Variants in TMEM40 observed in about 807,000 individuals in gnomAD.
The protein encoded by TMEM40 is transmembrane protein 40.
Under a neutral mutation model 40.8 loss-of-function variants are expected in TMEM40, and 34 were observed. The ratio of observed to expected loss-of-function variants is 0.83; its 90% CI spans 0.63 to 1.11. TMEM40 has a LOEUF of 1.11. TMEM40 is among the 50% of genes least tolerant of loss of function. TMEM40 has a pLI of 0.00. For missense variants in TMEM40, 296 were observed against 280.2 expected (o/e 1.06, Z -0.40); for synonymous variants, 106 against 107.0 (o/e 0.99, Z 0.06).
upstream of TMEM40, among the ~76,000 whole-genome samples, chr3:12,763,999 T>A (rs2061583939): frequency 6.6e-6 from 1 of 152,132 alleles, no homozygotes; most frequent in South Asian, 2.1e-4. Context: ...CACTGCAGCC[T>A]CCATCTCCCG....
Position 12,748,702 on chromosome 3 carries a change from G to C in TMEM40, c.164C>G (p.Ser55Cys). ...YERNKSSSSS[S>C]SSSSSSSSSS... Reference sequence around the variant, plus strand: ...AGATGAGGAGGATGAGGAGGAAGAGGAGGAGGAGGAAGAAGACTTGTTTCT... The same window carrying C: ...AGATGAGGAGGATGAGGAGGAAGAGCAGGAGGAGGAAGAAGACTTGTTTCT... Residue 55 changes from serine (S) to cysteine (C), a missense_variant, in exon 3 of 12, where the codon TCC becomes TGC. Ser to Cys is a moderately radical substitution (Grantham distance 112, BLOSUM62 -1). Transcript: ENST00000314124. 3 of 1,613,844 alleles carry C rather than the reference G, an allele frequency of 1.9e-6. No individual in the cohort carries two copies. The highest frequency in any genetic ancestry group is 2.5e-6 in the Non-Finnish European group (3 of 1,179,898).
upstream of TMEM40, among the ~76,000 whole-genome samples, chr3:12,763,260 C>G (rs899320011): frequency 2.0e-5 from 3 of 151,358 alleles, no homozygotes; most frequent in Admixed American, 2.0e-4. Context: ...CTCCCAAGTT[C>G]AGGTACTTCC....
intron 1 of TMEM40, among the ~76,000 whole-genome samples, chr3:12,767,567 G>A (rs4560285): frequency 0.52 from 78,410 of 151,880 alleles, 21,335 homozygotes; most frequent in Non-Finnish European, 0.63. Context: ...CCATCAGATG[G>A]GAGTTTATCT....
chr3:12,749,311 G>C (rs562212377), intron 2 of TMEM40, among the ~76,000 whole-genome samples: 1 of 152,058 alleles, frequency 6.6e-6, no homozygotes, highest in Non-Finnish European at 1.5e-5. Flanking sequence ...GGCGTGAGCC[G>C]CCGCGCCCGG....
Position 12,734,396 on chromosome 3 carries a change from C to A in TMEM40, c.*378G>T. The A allele has an allele frequency of 4.7e-6, 1 of 213,468 alleles. No individual in the cohort carries two copies. The highest frequency in any genetic ancestry group is 1.4e-4 in the South Asian group (1 of 7,244). 13.2% of individuals were successfully genotyped at this position (213,468 alleles called of 1,614,324 possible). ...GCTCGGTAGCACCTGAGAGCGCATGCAGATAGCCTGGGATTTGAGAAAAAC... is the reference window on the plus strand; with the variant it reads ...GCTCGGTAGCACCTGAGAGCGCATGAAGATAGCCTGGGATTTGAGAAAAAC... On this transcript the variant is annotated 3_prime_UTR_variant, in exon 12 of 12. Transcript: ENST00000314124.
Position 12,737,760 on chromosome 3 carries a change from G to GA in TMEM40, c.425-7dup, listed in dbSNP as rs1416418155. 6.2e-7 allele frequency: 1 copy of GA among 1,613,384 alleles called. No individual in the cohort carries two copies. The highest frequency in any genetic ancestry group is 1.3e-5 in the African/African-American group (1 of 75,028). On this transcript the variant is annotated splice_polypyrimidine_tract_variant and splice_region_variant and intron_variant, in intron 7 of 11. Transcript: ENST00000314124. ...CTGAGAGGCCTCCACTTCTCCTTAA[G>GA]AACAAGAGAGAGATGAATATTTAAC... is the stretch of plus-strand genomic sequence containing the variant.
chr3:12,769,083 G>A (rs1480666581), intron 1 of TMEM40, among the ~76,000 whole-genome samples: 1 of 152,084 alleles, frequency 6.6e-6, no homozygotes, highest in African/African-American at 2.4e-5. Flanking sequence ...TGGGGTACCC[G>A]GCGCACCCTC....
At position 12,735,540 on chromosome 3, in the gene TMEM40, G is replaced by T; in HGVS notation, c.682+15C>A. On this transcript the variant is annotated intron_variant, in intron 11 of 11. Coordinates refer to ENST00000314124, the MANE Select transcript of TMEM40 (RefSeq NM_018306.4). ...GGGAGAAAATGAGTGAACACAGGAA[G>T]ACTTTAAAAGTTACCTGTCAGCCTA... 1 of 1,611,804 alleles carries T rather than the reference G, an allele frequency of 6.2e-7. No individual in the cohort carries two copies. The highest frequency in any genetic ancestry group is 2.2e-5 in the East Asian group (1 of 44,836).
At chr3:12,765,946 T>C (rs905290509) in intron 1 of TMEM40, among the ~76,000 whole-genome samples, 6 of 151,990 alleles carry the variant, frequency 3.9e-5, no homozygotes, top group African/African-American at 1.5e-4. Flanking sequence ...AACCTCCACC[T>C]CCCGCGTTCA....
upstream of TMEM40, among the ~76,000 whole-genome samples, chr3:12,762,683 G>A (rs1051562775): frequency 2.6e-5 from 4 of 152,154 alleles, no homozygotes; most frequent in Non-Finnish European, 4.4e-5. Flanking sequence ...GCAGAGGAAA[G>A]GAGGTGGAAC....
intron 5 of TMEM40, chr3:12,738,838 T>A: frequency 2.1e-6 from 1 of 476,326 alleles, no homozygotes; most frequent in Non-Finnish European, 3.8e-6. Flanking sequence ...AGAAGCCAGG[T>A]TTTCAGGTAA....
rs181192699 is a variant in TMEM40 at position 12,764,394 on chromosome 3, G to A, written c.-9+4857C>T. Among the ~76,000 whole-genome samples, 586 of 152,280 alleles carry A rather than the reference G, an allele frequency of 3.8e-3. 3 individuals carry two copies. Among genetic ancestry groups the A allele is most frequent in the Non-Finnish European group, 5.6e-3 (379 of 68,020 alleles). ...GGTCACGTGGCTGGGAAGTGGCTGC[G>A]TCAGGATCTTCACTCAGGTCTCCCT... On this transcript the variant is annotated intron_variant, in intron 1 of 11. Transcript: ENST00000264728.
chr3:12,735,246 C>A (rs1358933229), intron 11 of TMEM40, among the ~76,000 whole-genome samples: 1 of 152,190 alleles, frequency 6.6e-6, no homozygotes, highest in Non-Finnish European at 1.5e-5. Flanking sequence ...GTGTAAAGTT[C>A]TATAAGAGAA....
rs373773859 is a variant in TMEM40 at position 12,740,694 on chromosome 3, C to T, written c.355+1760G>A. Among the ~76,000 whole-genome samples, 18 of 151,982 alleles carry T rather than the reference C, an allele frequency of 1.2e-4. 2 individuals are homozygous for T. The highest frequency in any genetic ancestry group is 2.6e-4 in the Admixed American group (4 of 15,258). ...GCCACAGGGTAAAACCCTGTCTCTACCAAAAATACAAAAATTAGCTGGGCA... is the reference window on the plus strand; with the variant it reads ...GCCACAGGGTAAAACCCTGTCTCTATCAAAAATACAAAAATTAGCTGGGCA... On this transcript the variant is annotated intron_variant, in intron 5 of 11. Coordinates refer to ENST00000314124, the MANE Select transcript of TMEM40 (RefSeq NM_018306.4).
intron 1 of TMEM40, among the ~76,000 whole-genome samples, chr3:12,768,702 A>C (rs1480880163): frequency 6.6e-6 from 1 of 152,092 alleles, no homozygotes; most frequent in African/African-American, 2.4e-5. Context: ...CCAAGTCCAC[A>C]CTAGACTCAC....
intron 5 of TMEM40, among the ~76,000 whole-genome samples, chr3:12,740,339 C>T (rs1285074447): frequency 1.3e-5 from 2 of 151,246 alleles, no homozygotes; most frequent in African/African-American, 4.8e-5. Flanking sequence ...ATCCACCTGC[C>T]TCAGCCTCCC....
Position 12,734,711 on chromosome 3 carries a change from G to C in TMEM40, c.*63C>G. ...CTCAGAATGCTGCTCTGCCCTTGTGGGCTCAGGGGTCGCAGTGGTGGTCAC... is the reference window on the plus strand; with the variant it reads ...CTCAGAATGCTGCTCTGCCCTTGTGCGCTCAGGGGTCGCAGTGGTGGTCAC... On this transcript the variant is annotated 3_prime_UTR_variant, in exon 12 of 12. Coordinates refer to ENST00000314124, the MANE Select transcript of TMEM40 (RefSeq NM_018306.4). 6.4e-7 allele frequency: 1 copy of C among 1,553,956 alleles called. No homozygotes were observed. Among genetic ancestry groups the C allele is most frequent in the South Asian group, 1.2e-5 (1 of 85,178 alleles).
chr3:12,760,470 C>T (rs2061561690), upstream of TMEM40, among the ~76,000 whole-genome samples: 1 of 152,140 alleles, frequency 6.6e-6, no homozygotes, highest in South Asian at 2.1e-4. Flanking sequence ...TCCTCAGGGC[C>T]TTTGCCCTGG....
At chr3:12,761,888 T>C (rs1055476467), upstream of TMEM40, among the ~76,000 whole-genome samples, 28 of 152,314 alleles carry the variant, frequency 1.8e-4, no homozygotes, top group African/African-American at 6.5e-4. Flanking sequence ...AATGTATGTA[T>C]ATATATACAA....
Sources: gnomAD v4.1 joint callset for allele counts (sites outside exome capture counted in the v4.1 genomes callset) on GRCh38, gnomAD v4.1.1 for gene constraint, MANE v1.5 for transcripts, NCBI Gene and HGNC (gene_info 2026-07-23, HGNC 2026-07-21) for gene names.